DOCK9: variants seen among roughly 807,000 people sequenced by gnomAD.
DOCK9 encodes dedicator of cytokinesis 9, also known as dedicator of cytokinesis protein 9.
DOCK9 carries 89 observed loss-of-function variants against 263.3 expected under a neutral mutation model. The ratio of observed to expected loss-of-function variants is 0.34; its 90% CI spans 0.28 to 0.40. The LOEUF (loss-of-function observed/expected upper bound fraction) is 0.40, where lower values mean the gene tolerates loss of function less well. DOCK9 is among the 10% of genes least tolerant of loss of function. DOCK9 has a pLI of 1.00. For missense variants in DOCK9, 2,140 were observed against 2,603.4 expected (o/e 0.82, Z 3.87); for synonymous variants, 976 against 973.1 (o/e 1.00, Z -0.06).
At chr13:99,080,818 C>T (rs765829950) in intron 1 of DOCK9, among the ~76,000 whole-genome samples, 8 of 152,116 alleles carry the variant, frequency 5.3e-5, no homozygotes, top group Non-Finnish European at 1.2e-4. Flanking sequence ...AGGTGACTGA[C>T]CCGTCCACCT....
At chr13:98,887,125 T>TTATATATATATATATATATA (rs1160298057) in intron 18 of DOCK9, among the ~76,000 whole-genome samples, 43 of 102,396 alleles carry the variant, frequency 4.2e-4, no homozygotes, top group South Asian at 1.2e-3. Flanking sequence ...ATACTATATT[T>TTATATATATATATATATATA]TATATATATA....
At position 98,880,639 on chromosome 13, in the gene DOCK9, C is replaced by T; in HGVS notation, c.2779G>A (p.Glu927Lys). 1.2e-6 allele frequency: 2 copies of T among 1,613,812 alleles called. No individual in the cohort carries two copies. The highest frequency in any genetic ancestry group is 1.7e-6 in the Non-Finnish European group (2 of 1,179,830). The change falls in exon 26 of 53, where the codon GAA (glutamate) becomes AAA (lysine). Residue 927 changes from glutamate to lysine, a missense_variant. By Grantham distance (56) the Glu-to-Lys change is moderately conservative. This residue lies in a region of DOCK9 where 1,521 missense variants were observed against 1,741.7 expected (regional missense o/e 0.87). Transcript: ENST00000682017. ...AGTTCTTCATGCACTGTCTTGTATT[C>T]AGAGGCAACATATGGCTCAGCCTTA... Reference protein sequence around the residue: ...AYKAEPYVASEYKTVHEELTK... With the variant: ...AYKAEPYVASKYKTVHEELTK...
chr13:99,012,991 T>C (rs1246950574), intron 1 of DOCK9, among the ~76,000 whole-genome samples: 1 of 152,208 alleles, frequency 6.6e-6, no homozygotes, highest in African/African-American at 2.4e-5. Context: ...CGTAAAGCCA[T>C]TTCATCAGCA....
chr13:98,832,501 A>G (rs545357267), intron 39 of DOCK9, among the ~76,000 whole-genome samples: 5 of 152,314 alleles, frequency 3.3e-5, no homozygotes, highest in African/African-American at 1.2e-4. Flanking sequence ...GATTTTACTT[A>G]TCAAAGAAAA....
chr13:98,855,929 C>G lies in DOCK9; in HGVS notation c.3800G>C (p.Arg1267Thr). The G allele has an allele frequency of 3.1e-6, 5 of 1,613,982 alleles. No homozygotes were observed. The highest frequency in any genetic ancestry group is 4.2e-6 in the Non-Finnish European group (5 of 1,179,890). The change falls in exon 34 of 53, where the codon AGG (arginine) becomes ACG (threonine). Residue 1267 changes from arginine (R) to threonine (T), a missense_variant. Coordinates refer to ENST00000682017, the MANE Select transcript of DOCK9 (RefSeq NM_001366683.2). ...CAGGGAATTGCTCTTCTCACTATTC[C>G]TTTCTGGAAGGCTGTTACCCGAATC... The part of the protein sequence containing the change: ...STDSGNSLPE[R>T]NSEKSNSLDK...
chr13:98,917,336 A>G (rs916300556), intron 7 of DOCK9, among the ~76,000 whole-genome samples: 5 of 152,254 alleles, frequency 3.3e-5, no homozygotes, highest in African/African-American at 9.6e-5. Context: ...ATTCAGCTAA[A>G]AAGTAACTTA....
intron 1 of DOCK9, among the ~76,000 whole-genome samples, chr13:98,973,064 T>C (rs2059898874): frequency 6.6e-6 from 1 of 152,240 alleles, no homozygotes; most frequent in Non-Finnish European, 1.5e-5. Context: ...GGTCACTATA[T>C]AAAGCTTTTG....
intron 1 of DOCK9, among the ~76,000 whole-genome samples, chr13:98,962,639 A>ATTT (rs1567109226): frequency 1.8e-4 from 26 of 143,528 alleles, no homozygotes; most frequent in African/African-American, 5.4e-4. Flanking sequence ...ATAGGTTTTA[A>ATTT]AAAAAAAAAA....
chr13:98,955,006 C>A (rs562696970), intron 2 of DOCK9, among the ~76,000 whole-genome samples: 1 of 152,104 alleles, frequency 6.6e-6, no homozygotes. Context: ...TAAATAACAT[C>A]TTATTTTCAT....
chr13:98,947,422 T>A (rs2056855670), intron 2 of DOCK9, among the ~76,000 whole-genome samples: 1 of 141,252 alleles, frequency 7.1e-6, no homozygotes, highest in Non-Finnish European at 1.5e-5. Flanking sequence ...AAAAAAAAAA[T>A]CAATCACTAT....
upstream of DOCK9, chr13:99,087,827 C>T (rs1308639844): frequency 6.6e-6 from 1 of 152,324 alleles, no homozygotes; most frequent in Admixed American, 6.5e-5. Flanking sequence ...TTCCGATGGA[C>T]AGTTCCTTAC....
At position 98,829,176 on chromosome 13, in the gene DOCK9, G is replaced by A; in HGVS notation, c.4965+131C>T. ...ATGAAGTCACCCTAAGCTTCATACT[G>A]TTTAAAGTTTTGCATACTTTTAATT... On this transcript the variant is annotated intron_variant, in intron 43 of 52. Coordinates refer to ENST00000682017, the MANE Select transcript of DOCK9 (RefSeq NM_001366683.2). The surrounding 1 kb of genome is among the most constrained non-coding windows in gnomAD (Gnocchi z 4.1). 1.2e-6 allele frequency: 1 copy of A among 800,686 alleles called. No individual in the cohort carries two copies. Among genetic ancestry groups the A allele is most frequent in the Middle Eastern group, 3.5e-4 (1 of 2,840 alleles). 49.6% of individuals were successfully genotyped at this position (800,686 alleles called of 1,614,324 possible).
At chr13:98,967,201 A>G (rs1320184777) in intron 1 of DOCK9, among the ~76,000 whole-genome samples, 2 of 152,246 alleles carry the variant, frequency 1.3e-5, no homozygotes, top group Non-Finnish European at 2.9e-5. Flanking sequence ...AGATGGGAAA[A>G]GTAACAATTT....
At chr13:98,854,538 T>A (rs2093654605) in intron 34 of DOCK9, 1 of 152,074 alleles carries the variant, frequency 6.6e-6, no homozygotes, top group East Asian at 1.9e-4. Flanking sequence ...GCCTGCCCAC[T>A]TGATCAGAGC....
At position 98,868,346 on chromosome 13, in the gene DOCK9, T is replaced by C. The variant is rs751593603; in HGVS notation, c.2975A>G (p.Tyr992Cys). The change falls in exon 28 of 53, where the codon TAT becomes TGT. Residue 992 changes from tyrosine to cysteine, a missense_variant. Physicochemically the swap from Tyr to Cys is radical, Grantham distance 194. This residue lies in a region of DOCK9 where 1,521 missense variants were observed against 1,741.7 expected (regional missense o/e 0.87). Coordinates refer to ENST00000682017, the MANE Select transcript of DOCK9 (RefSeq NM_001366683.2). ...TACAACGGTTTCCACTGCATGATGA[T>C]AGGATGCAGGAAATCTCTGGTTTCG... is the stretch of plus-strand genomic sequence containing the variant. ...LLRNQRFPAS[Y>C]HHAVETVVNM... 28 of 1,613,304 alleles carry C rather than the reference T, an allele frequency of 1.7e-5. No homozygotes were observed. The highest frequency in any genetic ancestry group is 4.0e-5 in the African/African-American group (3 of 75,046).
intron 1 of DOCK9, among the ~76,000 whole-genome samples, chr13:99,047,367 G>A (rs2040483204): frequency 1.3e-5 from 2 of 152,232 alleles, no homozygotes; most frequent in Admixed American, 6.5e-5. Context: ...TACCATCAGG[G>A]TCCCCAGGTT....
At chr13:98,883,930 T>C (rs1279000130) in intron 21 of DOCK9, 31 bp from the exon 22 acceptor site, 1 of 1,491,420 alleles carries the variant, frequency 6.7e-7, no homozygotes, top group East Asian at 2.3e-5. Context: ...ACAATATCCC[T>C]ACAGATTAGT....
intron 1 of DOCK9, among the ~76,000 whole-genome samples, chr13:98,975,195 A>T (rs1190589493): frequency 5.3e-5 from 8 of 152,106 alleles, no homozygotes; most frequent in Admixed American, 1.3e-4. Flanking sequence ...CCTGACCAAC[A>T]TGATGAAACC....
intron 2 of DOCK9, among the ~76,000 whole-genome samples, chr13:98,951,351 C>T (rs953696234): frequency 1.3e-5 from 2 of 152,140 alleles, no homozygotes; most frequent in African/African-American, 4.8e-5. Flanking sequence ...TTAATATTTA[C>T]TTGATGAATC....
Sources: allele counts gnomAD v4.1 joint callset (sites outside exome capture counted in the v4.1 genomes callset), GRCh38; gene constraint gnomAD v4.1.1; regional missense constraint gnomAD v4.1.1; non-coding constraint Gnocchi (gnomAD v3.1); transcripts MANE v1.5; gene names NCBI Gene and HGNC (gene_info 2026-07-23, HGNC 2026-07-21).